RNFT1: variants seen among roughly 807,000 people sequenced by gnomAD.
RNFT1 encodes E3 ubiquitin-protein ligase RNFT1.
RNFT1 carries 35 observed loss-of-function variants against 53.2 expected under a neutral mutation model. That is an observed-to-expected ratio of 0.66 (90% CI 0.50 to 0.87). The LOEUF (loss-of-function observed/expected upper bound fraction) is 0.87. Among genes scored for constraint, RNFT1 ranks in the 40% least tolerant of loss-of-function variants. The probability of loss-of-function intolerance (pLI) is 0.00; values close to 1 mark genes in which losing one functional copy is unlikely to be tolerated. For synonymous variants in RNFT1, 141 were observed against 172.8 expected (o/e 0.82, Z 1.44); for missense variants, 421 against 515.0 (o/e 0.82, Z 1.77).
At chr17:59,957,872 TACAATG>T (rs1386916811) in intron 5 of RNFT1, among the ~76,000 whole-genome samples, 1 of 152,038 alleles carries the variant, frequency 6.6e-6, no homozygotes, top group Non-Finnish European at 1.5e-5. Flanking sequence ...AAAAAAAAGA[TACAATG>T]AGAATGTTTT....
chr17:59,960,979 T>A (rs1459982919), intron 3 of RNFT1, among the ~76,000 whole-genome samples: 1 of 152,094 alleles, frequency 6.6e-6, no homozygotes, highest in African/African-American at 2.4e-5. Context: ...TTGCTCAGAA[T>A]TCCTAGGCTC....
Position 59,963,277 on chromosome 17 carries a change from T to G in RNFT1, c.64A>C (p.Arg22=). 2.5e-6 allele frequency: 4 copies of G among 1,601,084 alleles called. No individual in the cohort carries two copies. The highest frequency in any genetic ancestry group is 3.4e-6 in the Non-Finnish European group (4 of 1,173,122). The change falls in exon 2 of 9, where the codon AGG becomes CGG. Residue 22 remains arginine (R), a synonymous_variant. Transcript: ENST00000305783. ...PSASGHERRQ[R]PEAKTSGSEK... ...GACCCAGATGTCTTTGCTTCAGGCCTCTGTCTCCTAAAAAATCAAATAAAA... is the reference window on the plus strand; with the variant it reads ...GACCCAGATGTCTTTGCTTCAGGCCGCTGTCTCCTAAAAAATCAAATAAAA...
At chr17:59,962,445 T>C in intron 3 of RNFT1, 95 bp downstream of exon 3, 1 of 820,678 alleles carries the variant, frequency 1.2e-6, no homozygotes, top group East Asian at 2.5e-5. Context: ...TACTTCCTAT[T>C]TCTTTCAAGT....
chr17:59,954,223 C>T (rs1055097012), intron 7 of RNFT1, 77 bp from the exon 8 acceptor site: 1 of 947,526 alleles, frequency 1.1e-6, no homozygotes, highest in South Asian at 1.6e-5. Context: ...TAATGCTGTA[C>T]TTCTCAAATC....
intron 3 of RNFT1, among the ~76,000 whole-genome samples, chr17:59,960,791 TGACAGA>T (rs1374037911): frequency 6.6e-6 from 1 of 151,592 alleles, no homozygotes; most frequent in African/African-American, 2.4e-5. Context: ...CCAGCCCGGG[TGACAGA>T]GCAAAACACC....
intron 1 of RNFT1, 72 bp from the exon 2 acceptor site, chr17:59,963,356 A>G: frequency 7.6e-7 from 1 of 1,322,094 alleles, no homozygotes. Flanking sequence ...CTCACTGGGT[A>G]TCCTTTATTC....
chr17:59,958,730 A>T, intron 4 of RNFT1: 1 of 480,888 alleles, frequency 2.1e-6, no homozygotes, highest in Admixed American at 2.5e-5. Context: ...CATCAATACC[A>T]GACATCTGCT....
At chr17:59,961,604 G>GT (rs1465383314) in intron 3 of RNFT1, among the ~76,000 whole-genome samples, 1 of 151,486 alleles carries the variant, frequency 6.6e-6, no homozygotes, top group Non-Finnish European at 1.5e-5. Context: ...TTGAGATGGA[G>GT]TCTCACTCTG....
chr17:59,963,319 A>T, intron 1 of RNFT1, 35 bp from the exon 2 acceptor site: 1 of 1,561,806 alleles, frequency 6.4e-7, no homozygotes. Context: ...CTAAGTAAAC[A>T]GGCAGTTAAA....
intron 8 of RNFT1, 138 bp from the exon 9 acceptor site, chr17:59,953,249 G>A (rs1568540968): frequency 1.5e-6 from 1 of 663,710 alleles, no homozygotes; most frequent in Non-Finnish European, 2.4e-6. Context: ...AGGCCGGAGT[G>A]CAATGGCACC....
intron 1 of RNFT1, among the ~76,000 whole-genome samples, chr17:59,964,308 C>T (rs1177159456): frequency 6.6e-6 from 1 of 152,232 alleles, no homozygotes; most frequent in African/African-American, 2.4e-5. Context: ...GTGCTTTTCA[C>T]TAAAGGCTTT....
Position 59,962,813 on chromosome 17 carries a change from T to G in RNFT1, c.514+14A>C. The G allele has an allele frequency of 6.3e-7, 1 of 1,587,216 alleles. No homozygotes were observed. The stretch of plus-strand genomic sequence containing the variant: ...TTAGGAATGAAAACAAGTCAATGTT[T>G]TATTATGTCCTACCTGTTATATGCT... On this transcript the variant is annotated intron_variant, in intron 2 of 8. Coordinates refer to ENST00000305783, the MANE Select transcript of RNFT1 (RefSeq NM_016125.4).
rs71370154 is a variant in RNFT1 at position 59,961,882 on chromosome 17, CT to C, written c.591+657del. 7.0e-4 allele frequency among the ~76,000 whole-genome samples: 64 copies of C among 91,468 alleles called. No homozygotes were observed. In the East Asian group the frequency reaches 8.2e-3, roughly 12 times the overall value. 60.0% of individuals were successfully genotyped at this position (91,468 alleles called of 152,430 possible). On this transcript the variant is annotated intron_variant, in intron 3 of 8. Transcript: ENST00000305783. ...GTGAGCCCCTGTGCCTGGCCCAGGT[CT>C]TTTTTTTTTTTTTTTTTTTTGAGAT...
rs1275325495 is a variant in RNFT1 at position 59,956,912 on chromosome 17, C to T, written c.1005+312G>A. Among the ~76,000 whole-genome samples the T allele has an allele frequency of 2.6e-5, 4 of 152,290 alleles. No individual in the cohort carries two copies. In the South Asian group the frequency reaches 8.3e-4, roughly 32 times the overall value. ...GGAGAGAACAGGACAAGATACTCTA[C>T]TAGTTTAAGAATTATGTGTATGACA... On this transcript the variant is annotated intron_variant, in intron 6 of 8. Coordinates refer to ENST00000305783, the MANE Select transcript of RNFT1 (RefSeq NM_016125.4).
chr17:59,960,566 T>A (rs1348120740), intron 3 of RNFT1, among the ~76,000 whole-genome samples: 1 of 151,138 alleles, frequency 6.6e-6, no homozygotes, highest in Non-Finnish European at 1.5e-5. Flanking sequence ...ATCCCAGCAC[T>A]TTGGGAGGCC....
intron 1 of RNFT1, among the ~76,000 whole-genome samples, chr17:59,964,285 G>A (rs563741713): frequency 9.3e-4 from 141 of 152,252 alleles, no homozygotes; most frequent in Non-Finnish European, 2.4e-4. Context: ...CGTGTCTGGC[G>A]GTTTGGGTTT....
At position 59,957,205 on chromosome 17, in the gene RNFT1, G is replaced by T. The variant is rs780217967; in HGVS notation, c.1005+19C>A. On this transcript the variant is annotated intron_variant, in intron 6 of 8. Coordinates refer to ENST00000305783, the MANE Select transcript of RNFT1 (RefSeq NM_016125.4). ...ATTAATGTGAATCATGCAGTGACAA[G>T]ATTTGTAATGTTACCTACTTTTAAT... The T allele has an allele frequency of 1.2e-6, 2 of 1,606,786 alleles. No homozygotes were observed. The highest frequency in any genetic ancestry group is 1.7e-5 in the Admixed American group (1 of 58,598).
chr17:59,960,377 A>G (rs1404696355), intron 3 of RNFT1, among the ~76,000 whole-genome samples: 2 of 150,190 alleles, frequency 1.3e-5, no homozygotes, highest in African/African-American at 2.4e-5. Context: ...TGTTTAAAAT[A>G]CAAGTTTCTT....
chr17:59,957,159 CAGT>C (rs1473917067), intron 6 of RNFT1, 62 bp downstream of exon 6: 3 of 1,463,834 alleles, frequency 2.0e-6, no homozygotes, highest in Admixed American at 4.0e-5. Context: ...AAGAGGAAAA[CAGT>C]AGTATGTATC....
Sources: gnomAD v4.1 joint callset for allele counts (sites outside exome capture counted in the v4.1 genomes callset) on GRCh38, gnomAD v4.1.1 for gene constraint, MANE v1.5 for transcripts, NCBI Gene and HGNC (gene_info 2026-07-23, HGNC 2026-07-21) for gene names.